Variants in HS1BP3 observed in about 807,000 individuals in gnomAD.
HS1BP3 encodes the protein HCLS1 binding protein 3.
In HS1BP3, 32 loss-of-function variants were observed where a neutral mutation model predicts 33.5. The ratio of observed to expected loss-of-function variants is 0.95; its 90% CI spans 0.72 to 1.28. The LOEUF (loss-of-function observed/expected upper bound fraction) is 1.28, where lower values mean the gene tolerates loss of function less well. HS1BP3 is among the 50% of genes most tolerant of loss of function. The pLI is 0.00. For synonymous variants in HS1BP3, 187 were observed against 209.2 expected (o/e 0.89, Z 0.92); for missense variants, 486 against 502.3 (o/e 0.97, Z 0.31).
chr2:20,579,158 C>A (rs538146568), intron 5 of HS1BP3, among the ~76,000 whole-genome samples: 3 of 152,352 alleles, frequency 2.0e-5, no homozygotes, highest in African/African-American at 7.2e-5. Context: ...TGGGCGGCCA[C>A]CAGACACGTG....
At chr2:20,616,434 C>T (rs774930338), downstream of HS1BP3, among the ~76,000 whole-genome samples, 13 of 152,196 alleles carry the variant, frequency 8.5e-5, no homozygotes, top group African/African-American at 1.9e-4. Context: ...AAGGCCAGGG[C>T]GGGTTTGCTG....
chr2:20,579,632 G>T (rs1693485384), intron 5 of HS1BP3, among the ~76,000 whole-genome samples: 2 of 152,152 alleles, frequency 1.3e-5, no homozygotes. Flanking sequence ...CTTTCTGGGA[G>T]GTGGGGGCCC....
chr2:20,618,722 T>G lies in HS1BP3; in HGVS notation c.*265A>C. 8.0e-7 allele frequency: 1 copy of G among 1,253,890 alleles called. No individual in the cohort carries two copies. 77.7% of individuals were successfully genotyped at this position (1,253,890 alleles called of 1,614,324 possible). On this transcript the variant is annotated 3_prime_UTR_variant, in exon 7 of 7. Transcript: ENST00000304031. Reference sequence around the variant, plus strand: ...TGGTTGGCAAGGCATCCCCACACCCTCCCTCCCCTTCATGTCCACGGGGAA... The same window carrying G: ...TGGTTGGCAAGGCATCCCCACACCCGCCCTCCCCTTCATGTCCACGGGGAA...
intron 2 of HS1BP3, among the ~76,000 whole-genome samples, chr2:20,607,742 T>G (rs1292764992): frequency 1.3e-5 from 2 of 152,244 alleles, no homozygotes; most frequent in African/African-American, 2.4e-5. Flanking sequence ...GGGTCCCTTG[T>G]AATTCCATAC....
chr2:20,566,612 GTT>G (rs200183651), intron 5 of HS1BP3, among the ~76,000 whole-genome samples: 1 of 141,906 alleles, frequency 7.0e-6, no homozygotes. Context: ...TTTTTTTTTT[GTT>G]TTTTTTTTTG....
chr2:20,649,093 C>T (rs1303067791), intron 1 of HS1BP3, among the ~76,000 whole-genome samples: 1 of 152,274 alleles, frequency 6.6e-6, no homozygotes, highest in African/African-American at 2.4e-5. Context: ...TGCCCATGCT[C>T]AGCATAGCAG....
chr2:20,600,599 A>G (rs1425034048), intron 2 of HS1BP3, among the ~76,000 whole-genome samples: 1 of 152,256 alleles, frequency 6.6e-6, no homozygotes, highest in Non-Finnish European at 1.5e-5. Context: ...GATTGTGGAC[A>G]TTCAAATGAT....
chr2:20,606,708 A>G (rs1238633113), intron 2 of HS1BP3: 1 of 267,794 alleles, frequency 3.7e-6, no homozygotes, highest in Non-Finnish European at 7.4e-6. Flanking sequence ...GATGTCAGAC[A>G]AAAAGACACT....
At chr2:20,606,399 C>T in intron 2 of HS1BP3, 1 of 469,404 alleles carries the variant, frequency 2.1e-6, no homozygotes, top group Non-Finnish European at 4.3e-6. Context: ...CTGAAGGCTG[C>T]CCTGGCCAGG....
At chr2:20,606,931 G>A (rs141391528) in intron 2 of HS1BP3, among the ~76,000 whole-genome samples, 19 of 151,446 alleles carry the variant, frequency 1.3e-4, no homozygotes, top group African/African-American at 4.6e-4. Context: ...GTTGTCCTTG[G>A]AAGCACAAAA....
At chr2:20,594,752 G>A (rs769840256) in intron 3 of HS1BP3, among the ~76,000 whole-genome samples, 5 of 152,198 alleles carry the variant, frequency 3.3e-5, no homozygotes, top group Non-Finnish European at 7.3e-5. Flanking sequence ...AGTTCTGGAG[G>A]CTGAAAGTTC....
At chr2:20,583,738 A>T (rs1693615213) in intron 5 of HS1BP3, among the ~76,000 whole-genome samples, 1 of 152,172 alleles carries the variant, frequency 6.6e-6, no homozygotes, top group Non-Finnish European at 1.5e-5. Flanking sequence ...GTTGGGCCTC[A>T]GTGTGGCCCC....
intron 5 of HS1BP3, among the ~76,000 whole-genome samples, chr2:20,578,034 A>G (rs1200915586): frequency 6.6e-6 from 1 of 152,202 alleles, no homozygotes; most frequent in Non-Finnish European, 1.5e-5. Context: ...AACGTGCCTG[A>G]TGTCTCATCA....
intron 2 of HS1BP3, among the ~76,000 whole-genome samples, chr2:20,599,609 A>AACACACACACACAC (rs59149167): frequency 1.5e-5 from 2 of 136,220 alleles, no homozygotes; most frequent in Admixed American, 7.3e-5. Flanking sequence ...CTTCTTGTGT[A>AACACACACACACAC]ACACACACAC....
At chr2:20,570,313 CT>C (rs1011832698) in intron 5 of HS1BP3, among the ~76,000 whole-genome samples, 1 of 152,146 alleles carries the variant, frequency 6.6e-6, no homozygotes, top group African/African-American at 2.4e-5. Flanking sequence ...GGGAAAACAC[CT>C]TCCTTCCATT....
downstream of HS1BP3, chr2:20,590,967 C>T (rs963479189): frequency 2.2e-4 from 36 of 167,358 alleles, no homozygotes; most frequent in African/African-American, 7.5e-4. Context: ...CCCTACCTCC[C>T]TGCCCAATAT....
intron 1 of HS1BP3, among the ~76,000 whole-genome samples, chr2:20,645,945 C>T (rs1695506130): frequency 6.6e-6 from 1 of 152,222 alleles, no homozygotes; most frequent in Non-Finnish European, 1.5e-5. Context: ...AGGGCTGCTA[C>T]AGGCCCCCTG....
chr2:20,613,383 C>A (rs928177437), downstream of HS1BP3, among the ~76,000 whole-genome samples: 7 of 152,182 alleles, frequency 4.6e-5, no homozygotes, highest in Admixed American at 6.5e-5. Flanking sequence ...CGGAGGCCAG[C>A]GAGAGGATAA....
chr2:20,620,397 C>T (rs190082513), intron 6 of HS1BP3, among the ~76,000 whole-genome samples: 96 of 152,352 alleles, frequency 6.3e-4, no homozygotes, highest in Admixed American at 2.3e-3. Flanking sequence ...TCCAGTGTCA[C>T]GGCGAGGTTT....
Sources: allele counts gnomAD v4.1 joint callset (sites outside exome capture counted in the v4.1 genomes callset), GRCh38; gene constraint gnomAD v4.1.1; transcripts MANE v1.5; gene names NCBI Gene and HGNC (gene_info 2026-07-23, HGNC 2026-07-21).